The following BPTF variants were observed in gnomAD, a reference collection of about 807,000 sequenced individuals.
The protein encoded by BPTF is nucleosome-remodeling factor subunit BPTF.
Under a neutral mutation model 292.5 loss-of-function variants are expected in BPTF, and 18 were observed. The ratio of observed to expected loss-of-function variants is 0.06; its 90% confidence interval spans 0.04 to 0.09. The LOEUF is 0.09. Among genes scored for constraint, BPTF ranks in the 10% least tolerant of loss-of-function variants. The pLI, the probability that BPTF is intolerant of heterozygous loss-of-function variation, is 1.00. For synonymous variants in BPTF, 1,225 were observed against 1,251.9 expected (o/e 0.98, Z 0.45); for missense variants, 2,726 against 3,498.7 (o/e 0.78, Z 5.57).
chr17:67,881,000 A>G (rs948769180), intron 4 of BPTF, among the ~76,000 whole-genome samples: 2 of 151,980 alleles, frequency 1.3e-5, no homozygotes, highest in African/African-American at 2.4e-5. Flanking sequence ...TTACATATAT[A>G]TATTTCAGGC....
intron 9 of BPTF, among the ~76,000 whole-genome samples, chr17:67,905,426 G>T (rs985621370): frequency 5.9e-5 from 9 of 151,804 alleles, no homozygotes; most frequent in African/African-American, 2.2e-4. Context: ...AAAAATTCAG[G>T]CCAGCCACAG....
chr17:67,895,651 C>T (rs187118289), intron 7 of BPTF, among the ~76,000 whole-genome samples: 8 of 151,920 alleles, frequency 5.3e-5, no homozygotes, highest in South Asian at 2.1e-4. Flanking sequence ...TTTATAGACA[C>T]GGGGTCTCAT....
intron 4 of BPTF, among the ~76,000 whole-genome samples, chr17:67,880,956 T>TACAC (rs1005798267): frequency 1.0e-4 from 10 of 99,056 alleles, no homozygotes; most frequent in African/African-American, 2.6e-4. Context: ...ATTATATATA[T>TACAC]ATACACACAC....
chr17:67,929,078 A>C, intron 16 of BPTF: 1 of 1,291,050 alleles, frequency 7.7e-7, no homozygotes. Flanking sequence ...ACTTCCTGCA[A>C]ACAGCAAGAT....
At chr17:67,892,887 T>A (rs1339639944) in intron 5 of BPTF, among the ~76,000 whole-genome samples, 1 of 152,206 alleles carries the variant, frequency 6.6e-6, no homozygotes, top group Non-Finnish European at 1.5e-5. Context: ...AGAGTTGGGA[T>A]CAACTGTTTG....
intron 1 of BPTF, 50 bp from the exon 2 acceptor site, chr17:67,853,890 G>A: frequency 7.0e-7 from 1 of 1,425,526 alleles, no homozygotes; most frequent in East Asian, 2.3e-5. Flanking sequence ...GAAATTTGTA[G>A]AAATGATGTA....
intron 5 of BPTF, 185 bp from the exon 6 acceptor site, chr17:67,893,185 G>A (rs1333042421): frequency 3.3e-6 from 2 of 597,548 alleles, no homozygotes; most frequent in Non-Finnish European, 6.0e-6. Context: ...GGCATATCTT[G>A]GTTGTTTAAT....
intron 7 of BPTF, among the ~76,000 whole-genome samples, chr17:67,894,967 T>C (rs1428755219): frequency 6.6e-6 from 1 of 152,226 alleles, no homozygotes; most frequent in Non-Finnish European, 1.5e-5. Flanking sequence ...TAAAAAGTTA[T>C]TATTACAAAA....
intron 4 of BPTF, among the ~76,000 whole-genome samples, chr17:67,884,421 CTT>C (rs60432162): frequency 4.1e-5 from 6 of 146,284 alleles, no homozygotes; most frequent in African/African-American, 7.5e-5. Context: ...TGGCCCCTCC[CTT>C]TTTTTTTTTT....
chr17:67,831,393 AG>A (rs1033951777), intron 1 of BPTF, among the ~76,000 whole-genome samples: 3 of 152,216 alleles, frequency 2.0e-5, no homozygotes, highest in Non-Finnish European at 4.4e-5. Context: ...GAGAGCCAAA[AG>A]GGTTATGAAA....
intron 7 of BPTF, among the ~76,000 whole-genome samples, chr17:67,897,824 T>G (rs1598497836): frequency 6.6e-6 from 1 of 152,202 alleles, no homozygotes; most frequent in East Asian, 1.9e-4. Context: ...TAATTATTGT[T>G]TCTGTTAGTG....
At chr17:67,966,753 G>T (rs2068143035) in intron 26 of BPTF, 97 bp downstream of exon 26, 1 of 1,087,708 alleles carries the variant, frequency 9.2e-7, no homozygotes, top group Non-Finnish European at 1.3e-6. Context: ...AGCAAGGCTG[G>T]TGGGGGTATA....
At chr17:67,915,012 T>A (rs2062889837) in intron 11 of BPTF, among the ~76,000 whole-genome samples, 1 of 152,210 alleles carries the variant, frequency 6.6e-6, no homozygotes, top group African/African-American at 2.4e-5. Flanking sequence ...ATGCATTTTT[T>A]AAAAGCATAT....
intron 24 of BPTF, among the ~76,000 whole-genome samples, chr17:67,961,870 A>G (rs550124861): frequency 6.6e-6 from 1 of 152,184 alleles, no homozygotes; most frequent in Non-Finnish European, 1.5e-5. Flanking sequence ...GCTACTCGGG[A>G]GGCCGAGTCA....
intron 2 of BPTF, among the ~76,000 whole-genome samples, chr17:67,864,248 C>A (rs146311755): frequency 6.6e-5 from 10 of 152,110 alleles, no homozygotes; most frequent in African/African-American, 2.4e-4. Context: ...CTTTTCAGCC[C>A]GGTGCGGTGG....
intron 11 of BPTF, among the ~76,000 whole-genome samples, chr17:67,917,562 TG>T (rs2063124077): frequency 6.6e-6 from 1 of 152,124 alleles, no homozygotes; most frequent in Non-Finnish European, 1.5e-5. Flanking sequence ...GGATGCAGAA[TG>T]TTTTTGTCCG....
At chr17:67,920,368 A>G (rs1344694910) in intron 13 of BPTF, among the ~76,000 whole-genome samples, 2 of 152,240 alleles carry the variant, frequency 1.3e-5, no homozygotes, top group Non-Finnish European at 2.9e-5. Context: ...GGCTATAATA[A>G]TACCTCTTGT....
At chr17:67,883,891 G>A (rs1030080932) in intron 4 of BPTF, among the ~76,000 whole-genome samples, 3 of 152,104 alleles carry the variant, frequency 2.0e-5, no homozygotes, top group East Asian at 1.9e-4. Context: ...GAACCACCGC[G>A]CCCGGCTCGT....
chr17:67,914,612 T>C (rs2062859048), intron 11 of BPTF, among the ~76,000 whole-genome samples: 1 of 152,208 alleles, frequency 6.6e-6, no homozygotes, highest in African/African-American at 2.4e-5. Context: ...AATACTTTAA[T>C]TAAAGTGACC....
Sources: gnomAD v4.1 joint callset for allele counts (sites outside exome capture counted in the v4.1 genomes callset) on GRCh38, gnomAD v4.1.1 for gene constraint, MANE v1.5 for transcripts, NCBI Gene and HGNC (gene_info 2026-07-23, HGNC 2026-07-21) for gene names.